Variants in KRT77 observed in about 807,000 individuals in gnomAD.
KRT77 encodes keratin, type II cytoskeletal 1b.
KRT77 carries 44 observed loss-of-function variants against 51.5 expected under a neutral mutation model. The observed-to-expected ratio is 0.85, with a 90% CI of 0.67 to 1.10. The LOEUF is 1.10. Ranked by LOEUF, KRT77 falls within the 50% of genes least tolerant of loss-of-function variation. The pLI is 0.00. For synonymous variants in KRT77, 293 were observed against 302.0 expected, an observed-to-expected ratio of 0.97 and a Z score of 0.31; for missense variants, 763 against 743.9, an observed-to-expected ratio of 1.03 and a Z score of -0.30.
intron 1 of KRT77, among the ~76,000 whole-genome samples, chr12:52,700,320 A>G (rs1941868425): frequency 6.6e-6 from 1 of 152,214 alleles, no homozygotes; most frequent in East Asian, 1.9e-4. Context: ...ATAATCATGT[A>G]AAAAATACAG....
At chr12:52,698,146 C>G (rs1212383158) in intron 1 of KRT77, 1 of 1,404,592 alleles carries the variant, frequency 7.1e-7, no homozygotes, top group East Asian at 3.5e-5. Context: ...AGGTAAATCA[C>G]CTCCTTCATT....
intron 4 of KRT77, 59 bp from the exon 5 acceptor site, chr12:52,694,849 C>T: frequency 1.4e-6 from 2 of 1,435,650 alleles, no homozygotes; most frequent in Non-Finnish European, 9.3e-7. Context: ...CCTCAGTTTT[C>T]CTCTGCTGCT....
In KRT77 at chr12:52,690,825, A is replaced by G. The variant is rs1181462326; in HGVS notation, c.*340T>C. 11 of 444,418 alleles carry G rather than the reference A, an allele frequency of 2.5e-5. No homozygotes were observed. The East Asian group carries it at 5.2e-4, about 21-fold the overall frequency. 27.5% of individuals were successfully genotyped at this position (444,418 alleles called of 1,614,324 possible). The stretch of plus-strand genomic sequence containing the variant: ...ACAATGACTTCTCCCTACCTTGCCA[A>G]CTCACGCAGCCTCTGCCTCTAACTG... On this transcript the variant is annotated 3_prime_UTR_variant, in exon 9 of 9. Coordinates refer to ENST00000341809, the MANE Select transcript of KRT77 (RefSeq NM_175078.3).
rs751254422 is a variant in KRT77 at position 52,702,924 on chromosome 12, G to A, written c.511C>T (p.Leu171Phe). The change falls in exon 1 of 9, where the codon CTC becomes TTC. Residue 171 changes from leucine (L) to phenylalanine (F), a missense_variant. Coordinates refer to ENST00000341809, the MANE Select transcript of KRT77 (RefSeq NM_175078.3). ...ATGAAGGAGGCAAACTTGTTGTTGA[G>A]AACCATAATCTGCTCCCGCTCCTGG... ...KTQEREQIMV[L>F]NNKFASFIDK... is the part of the protein sequence containing the mutation. 6.2e-7 allele frequency: 1 copy of A among 1,614,038 alleles called. No homozygotes were observed. Among genetic ancestry groups the A allele is most frequent in the South Asian group, 1.1e-5 (1 of 91,066 alleles).
chr12:52,694,707 G>A lies in KRT77; in HGVS notation c.999C>T (p.Ser333=). ...MDNNRSLDLD[S]IIDAVRTQYE... Reference sequence around the variant, plus strand: ...ACTGGGTCCGCACTGCATCGATGATGCTGTCCAGGTCCAGGGAACGGTTAT... The same window carrying A: ...ACTGGGTCCGCACTGCATCGATGATACTGTCCAGGTCCAGGGAACGGTTAT... The change falls in exon 5 of 9, where the codon AGC becomes AGT. Residue 333 remains serine, a synonymous_variant. Coordinates refer to ENST00000341809, the MANE Select transcript of KRT77 (RefSeq NM_175078.3). 1 of 1,613,778 alleles carries A rather than the reference G, an allele frequency of 6.2e-7. No individual in the cohort carries two copies.
rs200702633 is a variant in KRT77 at position 52,692,836 on chromosome 12, C to T, written c.1125G>A (p.Leu375=). ...CTGCAATCTCCATCTTGCTGTTCTT[C>T]AGGTCGTCTCCATGTCTCCCTGCCG... ...QITAGRHGDD[L]KNSKMEIAEL... is the part of the protein sequence containing the mutation. The change falls in exon 6 of 9, where the codon CTG becomes CTA. Residue 375 remains leucine (L), a synonymous_variant. Coordinates refer to ENST00000341809, the MANE Select transcript of KRT77 (RefSeq NM_175078.3). 2.4e-5 allele frequency: 39 copies of T among 1,604,002 alleles called. 3 individuals are homozygous for T. Among genetic ancestry groups the T allele is most frequent in the Non-Finnish European group, 3.2e-5 (37 of 1,171,604 alleles).
intron 1 of KRT77, 120 bp downstream of exon 1, chr12:52,702,772 G>T: frequency 9.9e-7 from 1 of 1,012,204 alleles, no homozygotes; most frequent in Non-Finnish European, 1.5e-6. Flanking sequence ...ATGGGTAAAT[G>T]ATTTTCTAAG....
At chr12:52,701,235 G>C (rs1453589424) in intron 1 of KRT77, among the ~76,000 whole-genome samples, 1 of 152,174 alleles carries the variant, frequency 6.6e-6, no homozygotes, top group East Asian at 1.9e-4. Flanking sequence ...GTGACTCCTT[G>C]CTCCAGTGAA....
rs1357424482 is a variant in KRT77, at chr12:52,698,632, A to AT, written c.544-737dup. ...CACCTCTTCTCCCAAAACTGTGGAT[A>AT]TGGAGGTAAGATGCGGGGCCCAGGG... On this transcript the variant is annotated intron_variant, in intron 1 of 8. Coordinates refer to ENST00000341809, the MANE Select transcript of KRT77 (RefSeq NM_175078.3). Among the ~76,000 whole-genome samples, 4 of 152,292 alleles carry AT rather than the reference A, an allele frequency of 2.6e-5. No individual in the cohort carries two copies. The East Asian group carries it at 7.7e-4, about 29-fold the overall frequency.
intron 1 of KRT77, 68 bp from the exon 2 acceptor site, chr12:52,697,964 T>G: frequency 6.7e-7 from 1 of 1,488,620 alleles, no homozygotes; most frequent in Non-Finnish European, 9.4e-7. Context: ...AGTAGGAGCA[T>G]CCATACCCCC....
chr12:52,703,145 A>G lies in KRT77; in HGVS notation c.290T>C (p.Phe97Ser). The G allele has an allele frequency of 6.2e-7, 1 of 1,608,740 alleles. No individual in the cohort carries two copies. Among genetic ancestry groups the G allele is most frequent in the East Asian group, 2.2e-5 (1 of 44,782 alleles). The change falls in exon 1 of 9, where the codon TTT (phenylalanine) becomes TCT (serine). Residue 97 changes from phenylalanine to serine, a missense_variant. Phe to Ser is a radical substitution (Grantham distance 155, BLOSUM62 -2). Transcript: ENST00000341809. ...GVGGFGGGRG[F>S]GVGSTGAGGF... Reference sequence around the variant, plus strand: ...ACCAGCCCCGGTGCTGCCAACCCCAAAGCCTCTGCCCCCTCCAAATCCCCC... The same window carrying G: ...ACCAGCCCCGGTGCTGCCAACCCCAGAGCCTCTGCCCCCTCCAAATCCCCC...
chr12:52,694,244 A>T (rs1941758644), intron 5 of KRT77, among the ~76,000 whole-genome samples: 1 of 152,154 alleles, frequency 6.6e-6, no homozygotes, highest in Non-Finnish European at 1.5e-5. Context: ...TGATAACGAA[A>T]TTCTTACCTC....
chr12:52,701,936 C>G (rs1340363144), intron 1 of KRT77, among the ~76,000 whole-genome samples: 1 of 152,212 alleles, frequency 6.6e-6, no homozygotes, highest in Non-Finnish European at 1.5e-5. Flanking sequence ...CACTTCTCTC[C>G]TCCACCCCTT....
intron 5 of KRT77, among the ~76,000 whole-genome samples, chr12:52,694,025 A>C (rs1941754778): frequency 6.9e-6 from 1 of 144,132 alleles, no homozygotes; most frequent in African/African-American, 2.6e-5. Context: ...AGATAGAGTG[A>C]GTTTCCATCT....
intron 1 of KRT77, among the ~76,000 whole-genome samples, chr12:52,700,131 G>A (rs890715142): frequency 6.6e-6 from 1 of 152,128 alleles, no homozygotes; most frequent in African/African-American, 2.4e-5. Context: ...TCCACTCTCT[G>A]AGCGTCCAGC....
chr12:52,692,765 A>G lies in KRT77; in HGVS notation c.1196T>C (p.Val399Ala). The change falls in exon 6 of 9, where the codon GTG becomes GCG. Residue 399 changes from valine to alanine, a missense_variant. By Grantham distance (64) the Val-to-Ala change is moderately conservative. Coordinates refer to ENST00000341809, the MANE Select transcript of KRT77 (RefSeq NM_175078.3). The part of the protein sequence containing the change: ...VQRLQAEISN[V>A]KKQIEQMQSL... The stretch of plus-strand genomic sequence containing the variant: ...AAGCACCCGTCCCACCTGCTTCTTC[A>G]CGTTGCTGATCTCTGCCTGCAGCCT... 19 of 1,604,164 alleles carry G rather than the reference A, an allele frequency of 1.2e-5. 2 individuals are homozygous for G. The highest frequency in any genetic ancestry group is 1.6e-5 in the Non-Finnish European group (19 of 1,171,638).
At position 52,692,454 on chromosome 12, in the gene KRT77, G is replaced by A. The variant is rs1941725828; in HGVS notation, c.1394C>T (p.Thr465Ile). ...CTCGCCCTCCAGCAGCTGGCGGTAG[G>A]TGGCGATCTCCACATCCAGGGACAG... The part of the protein sequence containing the change: ...VKLSLDVEIA[T>I]YRQLLEGEES... The change falls in exon 7 of 9, where the codon ACC (threonine) becomes ATC (isoleucine). Residue 465 changes from threonine (T) to isoleucine (I), a missense_variant. By Grantham distance (89) the Thr-to-Ile change is moderately conservative. Coordinates refer to ENST00000341809, the MANE Select transcript of KRT77 (RefSeq NM_175078.3). 1 of 1,613,944 alleles carries A rather than the reference G, an allele frequency of 6.2e-7. No homozygotes were observed. Among genetic ancestry groups the A allele is most frequent in the Admixed American group, 1.7e-5 (1 of 60,002 alleles).
In KRT77 at chr12:52,692,958, C is replaced by T. The variant is rs1383112060; in HGVS notation, c.1081-78G>A. ...TCCAGGAGGGAGTAGGTCTGGGCTG[C>T]TCTCCCCTGGGAGATTCCCACCCAC... On this transcript the variant is annotated intron_variant, in intron 5 of 8. Transcript: ENST00000341809. 2.6e-6 allele frequency: 4 copies of T among 1,518,106 alleles called. 1 individual carries two copies. The highest frequency in any genetic ancestry group is 2.4e-5 in the South Asian group (2 of 84,338). 94.0% of individuals were successfully genotyped at this position (1,518,106 alleles called of 1,614,324 possible). A position where few individuals can be genotyped will look rare whatever the true frequency, so the allele number is the denominator to read the frequency against.
chr12:52,699,716 T>A (rs1941856635), intron 1 of KRT77, among the ~76,000 whole-genome samples: 1 of 152,222 alleles, frequency 6.6e-6, no homozygotes, highest in Non-Finnish European at 1.5e-5. Context: ...TGAGGTGGCA[T>A]CCCACCAGTG....
Sources: gnomAD v4.1 joint callset for allele counts (sites outside exome capture counted in the v4.1 genomes callset) on GRCh38, gnomAD v4.1.1 for gene constraint, MANE v1.5 for transcripts, NCBI Gene and HGNC (gene_info 2026-07-23, HGNC 2026-07-21) for gene names.